The following XRN1 variants were observed in gnomAD, a reference collection of about 807,000 sequenced individuals.
XRN1 encodes the protein strand-exchange protein 1 homolog.
In XRN1, 67 loss-of-function variants were observed where a neutral mutation model predicts 222.3. The observed-to-expected ratio is 0.30, with a 90% confidence interval of 0.25 to 0.37. The LOEUF is 0.37. Among genes scored for constraint, XRN1 ranks in the 10% least tolerant of loss-of-function variants. The probability of loss-of-function intolerance (pLI) is 1.00; values close to 1 mark genes in which losing one functional copy is unlikely to be tolerated. For missense variants in XRN1, 1,707 were observed against 2,000.2 expected (o/e 0.85, Z 2.80); for synonymous variants, 643 against 652.4 (o/e 0.99, Z 0.22).
At chr3:142,391,409 C>T (rs973302292) in intron 20 of XRN1, among the ~76,000 whole-genome samples, 12 of 152,026 alleles carry the variant, frequency 7.9e-5, no homozygotes, top group African/African-American at 2.7e-4. Context: ...ACTTTTACTG[C>T]TTTGGGGTCA....
At chr3:142,446,077 T>C (rs1425117472) in intron 1 of XRN1, among the ~76,000 whole-genome samples, 4 of 152,242 alleles carry the variant, frequency 2.6e-5, no homozygotes, top group Admixed American at 2.0e-4. Context: ...ACATGGTTTG[T>C]TGTAATTGTT....
intron 31 of XRN1, among the ~76,000 whole-genome samples, chr3:142,356,107 C>T (rs1161792890): frequency 6.6e-6 from 1 of 152,132 alleles, no homozygotes; most frequent in Non-Finnish European, 1.5e-5. Context: ...ATCAATATCC[C>T]ACCAATAGGT....
chr3:142,336,409 G>A (rs1401468391), intron 33 of XRN1, among the ~76,000 whole-genome samples: 1 of 151,622 alleles, frequency 6.6e-6, no homozygotes, highest in African/African-American at 2.4e-5. Flanking sequence ...AAAATAAAAA[G>A]GTGGGTGGAA....
chr3:142,322,424 T>C (rs1577215648), intron 37 of XRN1, among the ~76,000 whole-genome samples: 1 of 152,180 alleles, frequency 6.6e-6, no homozygotes, highest in Non-Finnish European at 1.5e-5. Context: ...CAGTGGCTCA[T>C]GCCTGTAATC....
chr3:142,383,356 G>A lies in XRN1; in HGVS notation c.2560C>T (p.Pro854Ser). 6.2e-7 allele frequency: 1 copy of A among 1,613,992 alleles called. No homozygotes were observed. Among genetic ancestry groups the A allele is most frequent in the South Asian group, 1.1e-5 (1 of 91,048 alleles). Residue 854 changes from proline (P) to serine (S), a missense_variant, in exon 22 of 41, where the codon CCT becomes TCT. Physicochemically the swap from Pro to Ser is moderately conservative, Grantham distance 74. Coordinates refer to ENST00000392981, the MANE Select transcript of XRN1 (RefSeq NM_001282857.2). Reference sequence around the variant, plus strand: ...AGCATAAAGACCATACTTCTCAGAGGAAACAAATCATCCAATGTTTTGATA... The same window carrying A: ...AGCATAAAGACCATACTTCTCAGAGAAAACAAATCATCCAATGTTTTGATA... ...SNIKTLDDLF[P>S]LRSMVFMLGT...
chr3:142,330,187 A>G (rs1019154252), intron 36 of XRN1, among the ~76,000 whole-genome samples: 1 of 152,224 alleles, frequency 6.6e-6, no homozygotes, highest in Non-Finnish European at 1.5e-5. Flanking sequence ...AGAAAAATAA[A>G]AGAATGAATA....
intron 1 of XRN1, among the ~76,000 whole-genome samples, chr3:142,434,133 G>A (rs927667005): frequency 8.6e-5 from 13 of 151,906 alleles, no homozygotes; most frequent in African/African-American, 3.1e-4. Context: ...TTTTCAACAG[G>A]GGTATTTTAT....
intron 20 of XRN1, among the ~76,000 whole-genome samples, chr3:142,386,966 T>C (rs2067526774): frequency 6.6e-6 from 1 of 152,188 alleles, no homozygotes; most frequent in African/African-American, 2.4e-5. Flanking sequence ...TATGAAGCAG[T>C]AATTCTACTC....
chr3:142,423,819 T>A (rs1244812817), intron 5 of XRN1, among the ~76,000 whole-genome samples, 177 bp from the exon 6 acceptor site: 1 of 152,198 alleles, frequency 6.6e-6, no homozygotes, highest in African/African-American at 2.4e-5. Context: ...AAGTGTACTT[T>A]TCTAAGAAAA....
chr3:142,357,876 A>AAATACAAAAAAATTAGCC (rs1356881316), intron 30 of XRN1, among the ~76,000 whole-genome samples: 1 of 152,126 alleles, frequency 6.6e-6, no homozygotes, highest in African/African-American at 2.4e-5. Context: ...TCTCTATTAA[A>AAATACAAAAAAATTAGCC]AATACAAAAA....
chr3:142,404,867 A>G (rs897632756), intron 16 of XRN1, 40 bp downstream of exon 16: 2 of 1,603,468 alleles, frequency 1.2e-6, no homozygotes, highest in African/African-American at 1.3e-5. Context: ...TTGTGTTAGG[A>G]GCGCTCTTTT....
chr3:142,394,233 C>T (rs879083055), intron 20 of XRN1, among the ~76,000 whole-genome samples: 2 of 152,196 alleles, frequency 1.3e-5, no homozygotes, highest in Admixed American at 1.3e-4. Flanking sequence ...ATATTCTAAA[C>T]TCTCTTGCCT....
At chr3:142,319,857 G>A (rs985005586) in intron 37 of XRN1, among the ~76,000 whole-genome samples, 1 of 151,734 alleles carries the variant, frequency 6.6e-6, no homozygotes, top group African/African-American at 2.4e-5. Context: ...TTTTATGGCT[G>A]GATAATATTA....
chr3:142,309,089 G>C lies in XRN1; in HGVS notation c.*2422C>G, dbSNP rs1198800645. 1 of 152,140 alleles carries C rather than the reference G, an allele frequency of 6.6e-6. No individual in the cohort carries two copies. The highest frequency in any genetic ancestry group is 1.5e-5 in the Non-Finnish European group (1 of 68,034). 9.4% of individuals were successfully genotyped at this position (152,140 alleles called of 1,614,324 possible). ...CCCATTGACCTCAGGCCCACATTTA[G>C]AATGGGTCTACAGGGGGAAAAGAAT... On this transcript the variant is annotated 3_prime_UTR_variant, in exon 41 of 41. Transcript: ENST00000392981.
intron 24 of XRN1, 104 bp downstream of exon 24, chr3:142,376,375 T>G: frequency 1.1e-6 from 1 of 944,072 alleles, no homozygotes; most frequent in African/African-American, 1.7e-5. Flanking sequence ...TTTAAGACAA[T>G]CCAGAGCAAT....
chr3:142,358,449 G>A (rs1283304474), intron 30 of XRN1, among the ~76,000 whole-genome samples: 2 of 152,016 alleles, frequency 1.3e-5, no homozygotes, highest in East Asian at 3.9e-4. Flanking sequence ...AGAAACCTTT[G>A]TAAGTTCAAG....
intron 2 of XRN1, among the ~76,000 whole-genome samples, chr3:142,431,006 T>C (rs1324756746): frequency 6.6e-6 from 1 of 152,244 alleles, no homozygotes; most frequent in Non-Finnish European, 1.5e-5. Context: ...CACTTGCCTT[T>C]CTGCCCAATC....
Position 142,308,678 on chromosome 3 carries a change from A to C in XRN1, c.*2833T>G, listed in dbSNP as rs1466238340. Reference sequence around the variant, plus strand: ...ACGAGACTGGAAGGAGCAATCTTCAAAATTCACTTAAGTTGCTCAAAAAAG... The same window carrying C: ...ACGAGACTGGAAGGAGCAATCTTCACAATTCACTTAAGTTGCTCAAAAAAG... On this transcript the variant is annotated 3_prime_UTR_variant, in exon 41 of 41. Transcript: ENST00000392981. 3 of 152,222 alleles carry C rather than the reference A, an allele frequency of 2.0e-5. No individual in the cohort carries two copies. In the East Asian group the frequency reaches 5.8e-4, roughly 29 times the overall value. The allele number at this position is 152,222 out of a possible 1,614,324, so 9.4% of individuals were successfully genotyped here. A position where few individuals can be genotyped will look rare whatever the true frequency, so the allele number is the denominator to read the frequency against.
chr3:142,419,026 T>C (rs2068900740), intron 10 of XRN1, 145 bp from the exon 11 acceptor site: 2 of 732,650 alleles, frequency 2.7e-6, no homozygotes, highest in East Asian at 5.4e-5. Flanking sequence ...TTTTCCTCCC[T>C]TGTGATCTCA....
Sources: allele counts gnomAD v4.1 joint callset (sites outside exome capture counted in the v4.1 genomes callset), GRCh38; gene constraint gnomAD v4.1.1; transcripts MANE v1.5; gene names NCBI Gene and HGNC (gene_info 2026-07-23, HGNC 2026-07-21).